The following AP3M2 variants were observed in gnomAD, a reference collection of about 807,000 sequenced individuals.
AP3M2 encodes the protein adaptor related protein complex 3 subunit mu 2.
In AP3M2, 28 loss-of-function variants were observed where a neutral mutation model predicts 41.6. The observed-to-expected ratio is 0.67, with a 90% CI of 0.50 to 0.92. AP3M2 has a LOEUF of 0.92. Ranked by LOEUF, AP3M2 falls within the 40% of genes least tolerant of loss-of-function variation. AP3M2 has a pLI of 0.00. For synonymous variants in AP3M2, 193 were observed against 186.4 expected (o/e 1.04, Z -0.29); for missense variants, 427 against 521.4 (o/e 0.82, Z 1.76).
chr8:42,169,799 C>T lies in AP3M2; in HGVS notation c.*738C>T, dbSNP rs1275052718. On this transcript the variant is annotated 3_prime_UTR_variant, in exon 9 of 9. Transcript: ENST00000396926. ...TCAGACACTGCCTGTTGCTGTCCAT[C>T]AGCACTTGGTCTCTTATCTTCAGTG... is the stretch of plus-strand genomic sequence containing the variant. The T allele has an allele frequency of 6.6e-6, 1 of 152,200 alleles. No homozygotes were observed. The highest frequency in any genetic ancestry group is 1.5e-5 in the Non-Finnish European group (1 of 68,046). The allele number at this position is 152,200 out of a possible 1,614,324, so 9.4% of individuals were successfully genotyped here.
chr8:42,165,589 A>C, intron 6 of AP3M2, 29 bp downstream of exon 6: 2 of 1,613,152 alleles, frequency 1.2e-6, no homozygotes, highest in Non-Finnish European at 8.5e-7. Context: ...TAAGAATGGA[A>C]TCCGTGTATG....
chr8:42,166,617 A>AAAAAG (rs1804645438), intron 6 of AP3M2, among the ~76,000 whole-genome samples: 1 of 151,216 alleles, frequency 6.6e-6, no homozygotes, highest in Admixed American at 6.6e-5. Flanking sequence ...AAAAGTAAAA[A>AAAAAG]TTAGCGGGGT....
In AP3M2 at chr8:42,171,013, G is replaced by T. The variant is rs1195661460; in HGVS notation, c.*1952G>T. On this transcript the variant is annotated 3_prime_UTR_variant, in exon 9 of 9. Coordinates refer to ENST00000396926, the MANE Select transcript of AP3M2 (RefSeq NM_006803.4). The stretch of plus-strand genomic sequence containing the variant: ...TAAGCATAGATGAAATAACTGTCCT[G>T]TCACATGTGCAGCAGGCCATGGAGT... 3 of 152,268 alleles carry T rather than the reference G, an allele frequency of 2.0e-5. No homozygotes were observed. The highest frequency in any genetic ancestry group is 7.2e-5 in the African/African-American group (3 of 41,454). 9.4% of individuals were successfully genotyped at this position (152,268 alleles called of 1,614,324 possible).
Position 42,167,830 on chromosome 8 carries a change from A to G in AP3M2, c.1156+20A>G, listed in dbSNP as rs751005772. 4 of 1,604,132 alleles carry G rather than the reference A, an allele frequency of 2.5e-6. No individual in the cohort carries two copies. Among genetic ancestry groups the G allele is most frequent in the Non-Finnish European group, 3.4e-6 (4 of 1,177,138 alleles). On this transcript the variant is annotated intron_variant, in intron 8 of 8. Coordinates refer to ENST00000396926, the MANE Select transcript of AP3M2 (RefSeq NM_006803.4). ...TTTCTGGTAAGTGACCCAGAGCTCA[A>G]GAGGCTCCAAAGGGAACAAAAACGG... is the stretch of plus-strand genomic sequence containing the variant.
intron 3 of AP3M2, among the ~76,000 whole-genome samples, chr8:42,161,561 A>G (rs2150958793): frequency 6.6e-6 from 1 of 152,244 alleles, no homozygotes; most frequent in South Asian, 2.1e-4. Context: ...GTAAGCCAAG[A>G]CTGCACCACT....
intron 3 of AP3M2, 74 bp downstream of exon 3, chr8:42,158,186 G>GT: frequency 6.9e-7 from 1 of 1,453,176 alleles, no homozygotes; most frequent in East Asian, 2.4e-5. Flanking sequence ...GTCGCACATT[G>GT]TTTTGAGTGT....
chr8:42,168,305 TG>T (rs1157032533), intron 8 of AP3M2: 43 of 441,960 alleles, frequency 9.7e-5, no homozygotes, highest in Non-Finnish European at 1.8e-4. Context: ...GTTACCACTT[TG>T]GGGGCATTTA....
rs1288526399 is a variant in AP3M2 at position 42,170,281 on chromosome 8, A to G, written c.*1220A>G. ...TCCTATCATGTATTCATTAATATCT[A>G]CCAGTCCCTTTTCATTCTAAGACAA... On this transcript the variant is annotated 3_prime_UTR_variant, in exon 9 of 9. Transcript: ENST00000396926. 2.0e-5 allele frequency: 3 copies of G among 152,208 alleles called. No homozygotes were observed. The highest frequency in any genetic ancestry group is 2.9e-5 in the Non-Finnish European group (2 of 68,042). The allele number at this position is 152,208 out of a possible 1,614,324, so 9.4% of individuals were successfully genotyped here.
chr8:42,162,349 G>A lies in AP3M2; in HGVS notation c.514G>A (p.Val172Met), dbSNP rs761862369. Residue 172 changes from valine to methionine, a missense_variant, in exon 4 of 9, where the codon GTG becomes ATG. Physicochemically the swap from Val to Met is conservative, Grantham distance 21 (BLOSUM62 1). This residue lies in a region of AP3M2 where 86 missense variants were observed against 142.6 expected (regional missense o/e 0.60). Transcript: ENST00000396926. ...LSVVPWRRTG[V>M]KYTNNEAYFD... ...AGTGGTGCCTTGGCGACGGACTGGGGTGAAATATACCAACAATGAGGCCTA... is the reference window on the plus strand; with the variant it reads ...AGTGGTGCCTTGGCGACGGACTGGGATGAAATATACCAACAATGAGGCCTA... 3.1e-6 allele frequency: 5 copies of A among 1,613,858 alleles called. No individual in the cohort carries two copies. The South Asian group carries it at 5.5e-5, about 18-fold the overall frequency.
chr8:42,167,897 C>CT, intron 8 of AP3M2, 87 bp downstream of exon 8: 2 of 1,476,564 alleles, frequency 1.4e-6, no homozygotes, highest in Non-Finnish European at 1.8e-6. Flanking sequence ...CCTTTCTGGG[C>CT]TTCCTGTTTA....
chr8:42,162,068 T>C (rs1471313136), intron 3 of AP3M2: 1 of 409,028 alleles, frequency 2.4e-6, no homozygotes. Context: ...CTTAAACCTT[T>C]ATTCTGTTTG....
Position 42,165,054 on chromosome 8 carries a change from T to G in AP3M2, c.584-17T>G. 6.2e-7 allele frequency: 1 copy of G among 1,609,332 alleles called. No individual in the cohort carries two copies. Among genetic ancestry groups the G allele is most frequent in the Non-Finnish European group, 8.5e-7 (1 of 1,177,120 alleles). The stretch of plus-strand genomic sequence containing the variant: ...TATTCAGTAATCTGTGTTCTTTTTG[T>G]CTTATTCCTGTCTCAGGCTCCACAA... On this transcript the variant is annotated splice_polypyrimidine_tract_variant and intron_variant, in intron 4 of 8. Transcript: ENST00000396926.
intron 5 of AP3M2, 90 bp from the exon 6 acceptor site, chr8:42,165,337 T>G: frequency 6.6e-7 from 1 of 1,523,278 alleles, no homozygotes; most frequent in Non-Finnish European, 9.0e-7. Flanking sequence ...GTGGTGTGTT[T>G]TAATTAAAAA....
At chr8:42,166,927 T>G in intron 6 of AP3M2, 2 of 510,844 alleles carry the variant, frequency 3.9e-6, no homozygotes, top group Non-Finnish European at 3.5e-6. Context: ...TACTTTTTGA[T>G]TTTGTTTGTA....
chr8:42,165,185 T>C (rs1804606727), intron 5 of AP3M2, 29 bp downstream of exon 5: 3 of 1,599,318 alleles, frequency 1.9e-6, no homozygotes, highest in Non-Finnish European at 2.6e-6. Flanking sequence ...GATTAAGTTC[T>C]TGGGATGAGA....
chr8:42,160,315 G>A (rs530927721), intron 3 of AP3M2, among the ~76,000 whole-genome samples: 2 of 152,322 alleles, frequency 1.3e-5, no homozygotes, highest in South Asian at 4.1e-4. Context: ...CAGACAGATA[G>A]GTCATTGGGA....
chr8:42,161,607 T>TA (rs970267381), intron 3 of AP3M2, among the ~76,000 whole-genome samples: 1 of 151,996 alleles, frequency 6.6e-6, no homozygotes, highest in African/African-American at 2.4e-5. Context: ...AGACTCTATC[T>TA]AAAAAAAATT....
chr8:42,153,202 C>G (rs1437716583), intron 1 of AP3M2, 97 bp downstream of exon 1: 2 of 152,492 alleles, frequency 1.3e-5, no homozygotes, highest in Admixed American at 1.3e-4. Flanking sequence ...GGCGGCCTCT[C>G]AGGGCTGCGG....
intron 2 of AP3M2, chr8:42,155,939 T>G (rs1389584676): frequency 2.2e-6 from 1 of 455,064 alleles, no homozygotes; most frequent in Non-Finnish European, 4.4e-6. Context: ...CCCAAGAGAA[T>G]TAAAATACAT....
Sources: allele counts gnomAD v4.1 joint callset (sites outside exome capture counted in the v4.1 genomes callset), GRCh38; gene constraint gnomAD v4.1.1; regional missense constraint gnomAD v4.1.1; transcripts MANE v1.5; gene names NCBI Gene and HGNC (gene_info 2026-07-23, HGNC 2026-07-21).